FDPS: variants seen among roughly 807,000 people sequenced by gnomAD.
The protein encoded by FDPS is farnesyl pyrophosphate synthase.
Under a neutral mutation model 49.5 loss-of-function variants are expected in FDPS, and 29 were observed. The ratio of observed to expected loss-of-function variants is 0.59; its 90% CI spans 0.44 to 0.80. FDPS has a LOEUF of 0.80. FDPS is among the 30% of genes least tolerant of loss of function. FDPS has a pLI of 0.00. For missense variants in FDPS, 414 were observed against 525.6 expected, an observed-to-expected ratio of 0.79 and a Z score of 2.08; for synonymous variants, 172 against 206.4, an observed-to-expected ratio of 0.83 and a Z score of 1.43.
In FDPS at chr1:155,318,151, TTC is replaced by T. The variant is rs1261337135; in HGVS notation, c.562-16_562-15del. 4 of 1,614,012 alleles carry T rather than the reference TTC, an allele frequency of 2.5e-6. No homozygotes were observed. Among genetic ancestry groups the T allele is most frequent in the Non-Finnish European group, 3.4e-6 (4 of 1,180,026 alleles). On this transcript the variant is annotated splice_polypyrimidine_tract_variant and intron_variant, in intron 5 of 10. Transcript: ENST00000368356. The surrounding 1 kb of genome is among the most constrained non-coding windows in gnomAD (Gnocchi z 4.2). The stretch of plus-strand genomic sequence containing the variant: ...GAGACTAGAGATTGATTGCTTGTTT[TTC>T]TGTCTGTCATGACAGCCGGGCGTGG...
intron 3 of FDPS, 65 bp from the exon 4 acceptor site, chr1:155,312,190 G>A: frequency 6.3e-7 from 1 of 1,584,256 alleles, no homozygotes. Context: ...GAGAGAGCAA[G>A]GAGAAAACTC....
In FDPS at chr1:155,318,927, T is replaced by C; in HGVS notation, c.845T>C (p.Met282Thr). 1 of 1,610,906 alleles carries C rather than the reference T, an allele frequency of 6.2e-7. No individual in the cohort carries two copies. The highest frequency in any genetic ancestry group is 8.5e-7 in the Non-Finnish European group (1 of 1,177,424). ...CTTCCTATAGCTGCAGCCATGTACA[T>C]GGTGAGTGAGCCTCCTCACCCCTCT... Reference protein sequence around the residue: ...FYLPIAAAMYMAGIDGEKEHA... With the variant: ...FYLPIAAAMYTAGIDGEKEHA... The change falls in exon 8 of 11, where the codon ATG becomes ACG. Residue 282 changes from methionine to threonine, a missense_variant and splice_region_variant. Physicochemically the swap from Met to Thr is moderately conservative, Grantham distance 81. Transcript: ENST00000368356. This position sits in a 1 kb window ranked among gnomAD's most constrained non-coding sequence, Gnocchi z 4.2.
rs777887118 is a variant in FDPS at position 155,320,551 on chromosome 1, C to T, written c.1202C>T (p.Pro401Leu). The T allele has an allele frequency of 1.7e-5, 27 of 1,614,162 alleles. No homozygotes were observed. Among genetic ancestry groups the T allele is most frequent in the Non-Finnish European group, 2.2e-5 (26 of 1,180,040 alleles). ...GCTCTCATTGAACAGTACGCAGCAC[C>T]CCTGCCCCCAGCCGTCTTTCTGGGG... is the stretch of plus-strand genomic sequence containing the variant. ...IMALIEQYAA[P>L]LPPAVFLGLA... The change falls in exon 11 of 11, where the codon CCC becomes CTC. Residue 401 changes from proline (P) to leucine (L), a missense_variant. Coordinates refer to ENST00000368356, the MANE Select transcript of FDPS (RefSeq NM_002004.4).
chr1:155,318,310 C>T lies in FDPS; in HGVS notation c.684+19C>T. On this transcript the variant is annotated intron_variant, in intron 6 of 10. Coordinates refer to ENST00000368356, the MANE Select transcript of FDPS (RefSeq NM_002004.4). The surrounding 1 kb of genome is among the most constrained non-coding windows in gnomAD (Gnocchi z 4.2). The stretch of plus-strand genomic sequence containing the variant: ...CCTGCAGGTGTATTGCAGACAGGGC[C>T]CGATGCCCAGAGGGTGCCCATGGTA... 1 of 1,607,482 alleles carries T rather than the reference C, an allele frequency of 6.2e-7. No individual in the cohort carries two copies.
At chr1:155,315,600 G>A (rs547362703) in intron 4 of FDPS, among the ~76,000 whole-genome samples, 1 of 152,170 alleles carries the variant, frequency 6.6e-6, no homozygotes, top group African/African-American at 2.4e-5. Context: ...GGAGAATGGC[G>A]TGAACCTGGG....
intron 4 of FDPS, among the ~76,000 whole-genome samples, chr1:155,314,741 A>G (rs1483828896): frequency 6.7e-6 from 1 of 149,898 alleles, no homozygotes; most frequent in East Asian, 1.9e-4. Flanking sequence ...CTCCCAGAGT[A>G]CTGGGATAAC....
At position 155,310,075 on chromosome 1, in the gene FDPS, A is replaced by G; in HGVS notation, c.209A>G (p.Asp70Gly). The G allele has an allele frequency of 4.3e-6, 7 of 1,613,908 alleles. No individual in the cohort carries two copies. The highest frequency in any genetic ancestry group is 5.9e-6 in the Non-Finnish European group (7 of 1,180,006). Residue 70 changes from aspartate (D) to glycine (G), a missense_variant, in exon 3 of 11, where the codon GAC (aspartate) becomes GGC (glycine). By Grantham distance (94) the Asp-to-Gly change is moderately conservative. Transcript: ENST00000368356. ...ALCSSLRMNG[D>G]QNSDVYAQEK... ...TGCTCCTCCCTCAGAATGAACGGAGACCAGAATTCAGATGTTTATGCCCAA... is the reference window on the plus strand; with the variant it reads ...TGCTCCTCCCTCAGAATGAACGGAGGCCAGAATTCAGATGTTTATGCCCAA...
Position 155,318,989 on chromosome 1 carries a change from T to C in FDPS, c.846+61T>C, listed in dbSNP as rs1649857737. ...ATGGGGGCTTTTGGACAGCAAGGCATAGAGCAGAAAACGTGAACACTGCTA... is the reference window on the plus strand; with the variant it reads ...ATGGGGGCTTTTGGACAGCAAGGCACAGAGCAGAAAACGTGAACACTGCTA... On this transcript the variant is annotated intron_variant, in intron 8 of 10. Coordinates refer to ENST00000368356, the MANE Select transcript of FDPS (RefSeq NM_002004.4). The surrounding 1 kb of genome is among the most constrained non-coding windows in gnomAD (Gnocchi z 4.2). 1 of 1,294,422 alleles carries C rather than the reference T, an allele frequency of 7.7e-7. No individual in the cohort carries two copies. The highest frequency in any genetic ancestry group is 1.1e-6 in the Non-Finnish European group (1 of 891,760). The allele number at this position is 1,294,422 out of a possible 1,614,324, so 80.2% of individuals were successfully genotyped here.
rs1490104636 is a variant in FDPS, at chr1:155,320,398, A to G, written c.1060-11A>G. The G allele has an allele frequency of 3.1e-6, 5 of 1,610,466 alleles. No individual in the cohort carries two copies. Among genetic ancestry groups the G allele is most frequent in the South Asian group, 1.1e-5 (1 of 90,610 alleles). On this transcript the variant is annotated splice_polypyrimidine_tract_variant and intron_variant, in intron 10 of 10. Transcript: ENST00000368356. The stretch of plus-strand genomic sequence containing the variant: ...GCCAAGCCCGTTTTCCTGTCTTTCA[A>G]CCTCTTCCAGGAAAATTACGGGCAG...
Position 155,318,748 on chromosome 1 carries a change from AAAGAGGTGAG to A in FDPS, c.769_773+5del, listed in dbSNP as rs758966803. On this transcript the variant is annotated splice_donor_variant and splice_donor_5th_base_variant and coding_sequence_variant and intron_variant, in exon 7 of 11. Transcript: ENST00000368356. LOFTEE classifies it high-confidence loss of function. The surrounding 1 kb of genome is among the most constrained non-coding windows in gnomAD (Gnocchi z 4.2). ...ATGTGGATCTTGTCAGATTCACTGA[AAAGAGGTGAG>A]GGGAGGTGAGGGACAGCGCGAACCA... 12 of 1,612,280 alleles carry A rather than the reference AAAGAGGTGAG, an allele frequency of 7.4e-6. No individual in the cohort carries two copies. In the South Asian group the frequency reaches 1.2e-4, roughly 16 times the overall value.
intron 1 of FDPS, chr1:155,309,332 C>T (rs1319498081): frequency 6.5e-6 from 1 of 153,580 alleles, no homozygotes; most frequent in Non-Finnish European, 1.4e-5. Flanking sequence ...CTTCTTTCCT[C>T]CTTGGGGCGT....
rs1302195454 is a variant in FDPS at position 155,310,054 on chromosome 1, C to T, written c.188C>T (p.Ser63Phe). The change falls in exon 3 of 11, where the codon TCC (serine) becomes TTC (phenylalanine). Residue 63 changes from serine to phenylalanine, a missense_variant. By Grantham distance (155) the Ser-to-Phe change is radical. Transcript: ENST00000368356. ...AWTEEPRALC[S>F]SLRMNGDQNS... The stretch of plus-strand genomic sequence containing the variant: ...TTTCTTCTACTTAGAGCCCTTTGCT[C>T]CTCCCTCAGAATGAACGGAGACCAG... The T allele has an allele frequency of 6.2e-7, 1 of 1,613,550 alleles. No homozygotes were observed. The highest frequency in any genetic ancestry group is 8.5e-7 in the Non-Finnish European group (1 of 1,180,020).
intron 3 of FDPS, chr1:155,310,500 G>A (rs1427288294): frequency 6.0e-6 from 2 of 330,842 alleles, no homozygotes; most frequent in East Asian, 6.9e-5. Context: ...TAATAGAGAC[G>A]GGGTTTCACT....
chr1:155,320,294 G>A (rs933266845), intron 10 of FDPS, 115 bp from the exon 11 acceptor site: 1 of 856,606 alleles, frequency 1.2e-6, no homozygotes, highest in Admixed American at 2.3e-5. Flanking sequence ...TTGGAGGGAG[G>A]AAAGGAGTGG....
At chr1:155,320,364 C>T (rs757266060) in intron 10 of FDPS, 45 bp from the exon 11 acceptor site, 15 of 1,551,048 alleles carry the variant, frequency 9.7e-6, no homozygotes, top group African/African-American at 1.4e-5. Flanking sequence ...CCTGGAGGCT[C>T]TGGGGAAGGC....
rs1648878721 is a variant in FDPS at position 155,312,277 on chromosome 1, G to A, written c.362G>A (p.Gly121Glu). Reference protein sequence around the residue: ...LKEVLEYNAIGGKYNRGLTVV... With the variant: ...LKEVLEYNAIEGKYNRGLTVV... ...CAGGTCCTGGAGTACAATGCCATTG[G>A]AGGCAAGTATAACCGGGGTTTGACG... Residue 121 changes from glycine to glutamate, a missense_variant, in exon 4 of 11, where the codon GGA (glycine) becomes GAA (glutamate). Transcript: ENST00000368356. The A allele has an allele frequency of 6.2e-7, 1 of 1,613,972 alleles. No homozygotes were observed. Among genetic ancestry groups the A allele is most frequent in the Non-Finnish European group, 8.5e-7 (1 of 1,180,020 alleles).
chr1:155,318,042 G>T lies in FDPS; in HGVS notation c.561+21G>T. ...AGAAGGTAATGTGGGCAGGAAAATA[G>T]CAGTGGGTATGGGGACAGGCCACAG... On this transcript the variant is annotated intron_variant, in intron 5 of 10. Coordinates refer to ENST00000368356, the MANE Select transcript of FDPS (RefSeq NM_002004.4). This position sits in a 1 kb window ranked among gnomAD's most constrained non-coding sequence, Gnocchi z 4.2. 3 of 1,613,680 alleles carry T rather than the reference G, an allele frequency of 1.9e-6. No individual in the cohort carries two copies. Among genetic ancestry groups the T allele is most frequent in the Non-Finnish European group, 2.5e-6 (3 of 1,179,580 alleles).
At chr1:155,316,123 C>A (rs904589088) in intron 4 of FDPS, among the ~76,000 whole-genome samples, 3 of 151,328 alleles carry the variant, frequency 2.0e-5, no homozygotes, top group African/African-American at 7.3e-5. Flanking sequence ...GGTGTGATGG[C>A]ACGTGCCTGT....
intron 3 of FDPS, among the ~76,000 whole-genome samples, chr1:155,310,898 A>AT (rs1396424770): frequency 6.6e-6 from 1 of 152,152 alleles, no homozygotes; most frequent in African/African-American, 2.4e-5. Context: ...CCTATTCTAG[A>AT]ACATGAACTA....
Sources: allele counts gnomAD v4.1 joint callset (sites outside exome capture counted in the v4.1 genomes callset), GRCh38; gene constraint gnomAD v4.1.1; non-coding constraint Gnocchi (gnomAD v3.1); transcripts MANE v1.5; gene names NCBI Gene and HGNC (gene_info 2026-07-23, HGNC 2026-07-21).